Variants in POC1B observed in about 807,000 individuals in gnomAD.
POC1B encodes the protein POC1 centriolar protein homolog B.
A neutral mutation model predicts 60.6 loss-of-function variants in POC1B; 44 were observed. That is an observed-to-expected ratio of 0.73 (90% CI 0.57 to 0.93). The LOEUF (loss-of-function observed/expected upper bound fraction) is 0.93. Ranked by LOEUF, POC1B falls within the 40% of genes least tolerant of loss-of-function variation. The pLI, the probability that POC1B is intolerant of heterozygous loss-of-function variation, is 0.00. For missense variants in POC1B, 555 were observed against 572.3 expected, an observed-to-expected ratio of 0.97 and a Z score of 0.31; for synonymous variants, 180 against 198.9, an observed-to-expected ratio of 0.90 and a Z score of 0.80.
chr12:89,432,630 T>A (rs1382490894), intron 10 of POC1B, among the ~76,000 whole-genome samples: 1 of 152,006 alleles, frequency 6.6e-6, no homozygotes, highest in Non-Finnish European at 1.5e-5. Context: ...TGACAAGGGT[T>A]AGGAAGAAAA....
At chr12:89,449,546 A>G (rs1252326656) in intron 10 of POC1B, among the ~76,000 whole-genome samples, 1 of 152,190 alleles carries the variant, frequency 6.6e-6, no homozygotes, top group Non-Finnish European at 1.5e-5. Context: ...TAAATATAAT[A>G]CTACATTCCT....
At chr12:89,491,725 T>C (rs1038999307) in intron 4 of POC1B, among the ~76,000 whole-genome samples, 5 of 152,064 alleles carry the variant, frequency 3.3e-5, no homozygotes, top group African/African-American at 1.2e-4. Flanking sequence ...ACCTGCTCCA[T>C]TTTCCTACTT....
chr12:89,504,372 A>C (rs1206757324), intron 2 of POC1B, among the ~76,000 whole-genome samples: 1 of 152,184 alleles, frequency 6.6e-6, no homozygotes, highest in Admixed American at 6.5e-5. Flanking sequence ...AGGGCGGTGC[A>C]AGATGTGCTT....
Position 89,471,634 on chromosome 12 carries a change from T to C in POC1B, c.656A>G (p.Lys219Arg). 1 of 1,610,826 alleles carries C rather than the reference T, an allele frequency of 6.2e-7. No homozygotes were observed. The highest frequency in any genetic ancestry group is 8.5e-7 in the Non-Finnish European group (1 of 1,178,092). The change falls in exon 6 of 12, where the codon AAA becomes AGA. Residue 219 changes from lysine (K) to arginine (R), a missense_variant. Physicochemically the swap from Lys to Arg is conservative, Grantham distance 26 (BLOSUM62 2). Transcript: ENST00000313546. ...TVKVWDVRVNKLLQHYQVHSG... is the reference protein window; with the variant it reads ...TVKVWDVRVNRLLQHYQVHSG... ...GTTACCTTGGTAATGCTGTAGTAAT[T>C]TGTTCACTCTTACATCCCAGACTTT... is the stretch of plus-strand genomic sequence containing the variant.
chr12:89,439,450 A>G (rs1881420488), intron 10 of POC1B, among the ~76,000 whole-genome samples: 1 of 152,140 alleles, frequency 6.6e-6, no homozygotes. Flanking sequence ...TAATGCACAC[A>G]CAAATCACCT....
intron 2 of POC1B, among the ~76,000 whole-genome samples, chr12:89,506,490 T>C (rs990829173): frequency 1.3e-5 from 2 of 151,962 alleles, no homozygotes; most frequent in Non-Finnish European, 2.9e-5. Context: ...ACACTTAACG[T>C]TCAGATAAGG....
At chr12:89,469,015 A>G (rs963608934) in intron 7 of POC1B, among the ~76,000 whole-genome samples, 2 of 152,248 alleles carry the variant, frequency 1.3e-5, no homozygotes, top group Non-Finnish European at 1.5e-5. Flanking sequence ...TTGTAATCCC[A>G]GCACTTTGGG....
chr12:89,464,862 A>G (rs1211183377), intron 9 of POC1B, among the ~76,000 whole-genome samples: 1 of 151,180 alleles, frequency 6.6e-6, no homozygotes, highest in Admixed American at 6.6e-5. Context: ...GAATCCTATC[A>G]CTCTTCTGGC....
chr12:89,402,870 A>G, the POC1B span, among the ~76,000 whole-genome samples: 3 of 150,958 alleles, frequency 2.0e-5, no homozygotes, highest in Non-Finnish European at 2.9e-5. Context: ...CTCCTCCCAA[A>G]TACCTGGCTA....
intron 1 of POC1B, chr12:89,525,514 A>C: frequency 7.6e-7 from 1 of 1,313,642 alleles, no homozygotes; most frequent in East Asian, 3.1e-5. Context: ...CGCTGGCCCA[A>C]GGCAGGCAGG....
intron 7 of POC1B, 32 bp downstream of exon 7, chr12:89,470,329 T>G (rs753862516): frequency 2.5e-6 from 3 of 1,200,616 alleles, no homozygotes; most frequent in South Asian, 5.5e-5. Flanking sequence ...TATATTTTTA[T>G]ATATAAAAAG....
intron 10 of POC1B, among the ~76,000 whole-genome samples, chr12:89,433,565 C>T (rs1024493508): frequency 2.6e-5 from 4 of 152,114 alleles, no homozygotes; most frequent in African/African-American, 7.2e-5. Flanking sequence ...AATGATGGAC[C>T]ACAGAATGTA....
intron 10 of POC1B, among the ~76,000 whole-genome samples, chr12:89,432,264 T>C (rs1181139374): frequency 1.3e-5 from 2 of 151,732 alleles, no homozygotes; most frequent in East Asian, 3.9e-4. Flanking sequence ...CATGCACCCG[T>C]AGTCCCAGCT....
At chr12:89,492,178 C>A in intron 3 of POC1B, 63 bp from the exon 4 acceptor site, 1 of 1,235,268 alleles carries the variant, frequency 8.1e-7, no homozygotes, top group Non-Finnish European at 1.1e-6. Flanking sequence ...TACTTAATCA[C>A]AATACAGACT....
chr12:89,440,583 A>G (rs1282824965), intron 10 of POC1B, among the ~76,000 whole-genome samples: 1 of 152,234 alleles, frequency 6.6e-6, no homozygotes, highest in Non-Finnish European at 1.5e-5. Context: ...ACACTTAGGA[A>G]AAAAATTTTC....
chr12:89,474,666 G>T (rs377266620), intron 4 of POC1B, among the ~76,000 whole-genome samples: 151 of 152,300 alleles, frequency 9.9e-4, no homozygotes, highest in African/African-American at 3.5e-3. Flanking sequence ...GTCTGGATTT[G>T]AATCAGGCAG....
chr12:89,442,470 A>G (rs1367683120), intron 10 of POC1B, among the ~76,000 whole-genome samples: 1 of 152,222 alleles, frequency 6.6e-6, no homozygotes, highest in Non-Finnish European at 1.5e-5. Flanking sequence ...TAAAGAAAAG[A>G]ATTTTCAACC....
downstream of POC1B, among the ~76,000 whole-genome samples, chr12:89,419,354 A>G (rs1480232435): frequency 6.6e-6 from 1 of 152,112 alleles, no homozygotes; most frequent in Non-Finnish European, 1.5e-5. Context: ...AAGTTAGAAA[A>G]ATTGAGTCTG....
At chr12:89,462,933 C>A (rs1027760497) in intron 9 of POC1B, among the ~76,000 whole-genome samples, 2 of 152,042 alleles carry the variant, frequency 1.3e-5, no homozygotes, top group African/African-American at 4.8e-5. Flanking sequence ...TAAACATATA[C>A]CCCAGTTAGA....
Sources: allele counts gnomAD v4.1 joint callset (sites outside exome capture counted in the v4.1 genomes callset), GRCh38; gene constraint gnomAD v4.1.1; transcripts MANE v1.5; gene names NCBI Gene and HGNC (gene_info 2026-07-23, HGNC 2026-07-21).